The following BRD10 variants were observed in gnomAD, a reference collection of about 807,000 sequenced individuals.
BRD10 encodes the protein uncharacterized bromodomain-containing protein 10.
the BRD10 span, among the ~76,000 whole-genome samples, chr9:5,967,402 A>C: frequency 6.6e-6 from 1 of 152,194 alleles, no homozygotes; most frequent in East Asian, 1.9e-4. Context: ...GCTGTTGACA[A>C]ATATATAGGG....
the BRD10 span, among the ~76,000 whole-genome samples, chr9:5,952,874 T>C: frequency 6.6e-6 from 1 of 152,136 alleles, no homozygotes; most frequent in Non-Finnish European, 1.5e-5. Flanking sequence ...AACAGTAAAA[T>C]TGTTATTTTT....
the BRD10 span, chr9:5,967,944 C>G: frequency 1.1e-6 from 1 of 888,610 alleles, no homozygotes; most frequent in African/African-American, 1.7e-5. Flanking sequence ...TCAATCAAAG[C>G]ATCCATGATG....
the BRD10 span, chr9:5,988,471 G>A: frequency 3.1e-6 from 5 of 1,613,794 alleles, no homozygotes; most frequent in Non-Finnish European, 2.5e-6. Context: ...TGAGGTACAT[G>A]CAGTTCCCTT....
At chr9:5,921,323 G>T in the BRD10 span, 2 of 1,613,684 alleles carry the variant, frequency 1.2e-6, no homozygotes, top group Middle Eastern at 1.6e-4. Flanking sequence ...TATTTTTATT[G>T]GTGTGCCCAC....
chr9:5,978,737 C>T, the BRD10 span, among the ~76,000 whole-genome samples: 7 of 152,274 alleles, frequency 4.6e-5, no homozygotes, highest in East Asian at 1.9e-4. Flanking sequence ...AAAAACTACA[C>T]GGTCAGCACT....
chr9:5,960,419 G>A, the BRD10 span, among the ~76,000 whole-genome samples: 30 of 151,956 alleles, frequency 2.0e-4, no homozygotes, highest in Admixed American at 3.9e-4. Flanking sequence ...AAAATTAGCC[G>A]GACATGGTGG....
chr9:5,883,462 CTTTTTTTTTT>C, the BRD10 span, among the ~76,000 whole-genome samples: 1 of 102,410 alleles, frequency 9.8e-6, no homozygotes, highest in Non-Finnish European at 1.9e-5. Context: ...CCTTCTTCTT[CTTTTTTTTTT>C]TTTTTTTTTT....
At chr9:5,922,738 C>A in the BRD10 span, 6 of 1,613,972 alleles carry the variant, frequency 3.7e-6, no homozygotes, top group Non-Finnish European at 5.1e-6. Context: ...TAGGCTGCAC[C>A]TGAATCTTTA....
the BRD10 span, chr9:5,919,952 G>A: frequency 6.2e-7 from 1 of 1,613,864 alleles, no homozygotes; most frequent in African/African-American, 1.3e-5. Flanking sequence ...AGATGTCTTA[G>A]CCAAAAGAGT....
At chr9:5,904,183 A>T in the BRD10 span, among the ~76,000 whole-genome samples, 2 of 150,814 alleles carry the variant, frequency 1.3e-5, no homozygotes, top group Non-Finnish European at 3.0e-5. Context: ...TTTAATGTAC[A>T]TGTATGTGTC....
At chr9:5,966,898 T>C in the BRD10 span, among the ~76,000 whole-genome samples, 13,996 of 152,300 alleles carry the variant, frequency 0.092, 744 homozygotes, top group Middle Eastern at 0.14. Flanking sequence ...CCTGGATCAA[T>C]GTGGAGCATT....
the BRD10 span, chr9:6,008,257 A>C: frequency 3.1e-6 from 3 of 980,346 alleles, no homozygotes; most frequent in Non-Finnish European, 3.6e-6. Context: ...CCTCTCCCTC[A>C]CACCCCCTCC....
At chr9:5,902,381 A>G in the BRD10 span, among the ~76,000 whole-genome samples, 4 of 152,180 alleles carry the variant, frequency 2.6e-5, no homozygotes, top group Non-Finnish European at 5.9e-5. Flanking sequence ...GCCTAGCTAA[A>G]GGCTTATCAA....
the BRD10 span, among the ~76,000 whole-genome samples, chr9:5,989,485 C>T: frequency 1.3e-5 from 2 of 150,640 alleles, no homozygotes; most frequent in East Asian, 3.9e-4. Context: ...GTTATATTTC[C>T]CTGCTTTCCT....
the BRD10 span, among the ~76,000 whole-genome samples, chr9:5,889,720 G>A: frequency 3.3e-5 from 5 of 152,276 alleles, no homozygotes; most frequent in South Asian, 1.0e-3. Context: ...GGGAGGCAGA[G>A]GTTGTAGTGA....
At chr9:5,889,863 C>A in the BRD10 span, among the ~76,000 whole-genome samples, 5 of 152,116 alleles carry the variant, frequency 3.3e-5, no homozygotes, top group African/African-American at 4.8e-5. Context: ...TTTGCACCAA[C>A]CTAATTGATG....
the BRD10 span, chr9:5,920,988 C>T: frequency 7.7e-5 from 125 of 1,613,924 alleles, no homozygotes; most frequent in East Asian, 8.2e-4. Context: ...GAAGCAGAGG[C>T]TGAGGTCACT....
chr9:5,882,778 T>C, the BRD10 span, among the ~76,000 whole-genome samples: 5 of 152,184 alleles, frequency 3.3e-5, no homozygotes, highest in Non-Finnish European at 7.3e-5. Context: ...ACTGGGTATA[T>C]ACCCAAAGGT....
At chr9:5,946,911 C>T in the BRD10 span, among the ~76,000 whole-genome samples, 1 of 151,832 alleles carries the variant, frequency 6.6e-6, no homozygotes, top group Non-Finnish European at 1.5e-5. Flanking sequence ...ATGAAGTCAA[C>T]AGATATTTAT....
Sources: allele counts gnomAD v4.1 joint callset (sites outside exome capture counted in the v4.1 genomes callset), GRCh38; gene constraint gnomAD v4.1.1; transcripts MANE v1.5; gene names NCBI Gene and HGNC (gene_info 2026-07-23, HGNC 2026-07-21).